Variants in USP46 observed in about 807,000 individuals in gnomAD.
USP46 encodes ubiquitin specific peptidase 46, also known as ubiquitin carboxyl-terminal hydrolase 46.
Under a neutral mutation model 44.4 loss-of-function variants are expected in USP46, and 12 were observed. The ratio of observed to expected loss-of-function variants is 0.27; its 90% CI spans 0.17 to 0.44. The LOEUF (loss-of-function observed/expected upper bound fraction) is 0.44, where lower values mean the gene tolerates loss of function less well. USP46 is among the 20% of genes least tolerant of loss of function. The probability of loss-of-function intolerance (pLI) is 1.00; values close to 1 mark genes in which losing one functional copy is unlikely to be tolerated. For synonymous variants in USP46, 155 were observed against 161.5 expected (o/e 0.96, Z 0.31); for missense variants, 248 against 444.8 (o/e 0.56, Z 3.98).
chr4:52,608,070 G>T (rs767550623), intron 5 of USP46, among the ~76,000 whole-genome samples: 1 of 152,054 alleles, frequency 6.6e-6, no homozygotes, highest in Non-Finnish European at 1.5e-5. Context: ...CTCGTTCTCA[G>T]GAAGGAAGGA....
intron 4 of USP46, among the ~76,000 whole-genome samples, chr4:52,622,439 T>A (rs1205445080): frequency 4.6e-5 from 7 of 152,196 alleles, no homozygotes; most frequent in Non-Finnish European, 1.0e-4. Context: ...ATGAAATAAA[T>A]CAAAATCTTT....
chr4:52,636,759 C>T (rs1577687849), intron 1 of USP46, among the ~76,000 whole-genome samples: 1 of 144,932 alleles, frequency 6.9e-6, no homozygotes, highest in African/African-American at 2.5e-5. Context: ...TTTGTTACAG[C>T]AATAATAGTA....
chr4:52,625,941 C>T (rs560589744), intron 4 of USP46, 77 bp downstream of exon 4: 15 of 1,345,468 alleles, frequency 1.1e-5, no homozygotes, highest in African/African-American at 2.9e-5. Flanking sequence ...TGCTATAATA[C>T]GACATTGCAA....
intron 5 of USP46, among the ~76,000 whole-genome samples, chr4:52,607,059 A>C (rs572004450): frequency 3.1e-4 from 47 of 152,326 alleles, no homozygotes; most frequent in African/African-American, 1.1e-3. Flanking sequence ...TGTACTACCA[A>C]GCTAAAGGGT....
chr4:52,629,855 G>A (rs1432039371), intron 2 of USP46, among the ~76,000 whole-genome samples: 2 of 152,146 alleles, frequency 1.3e-5, no homozygotes, highest in South Asian at 2.1e-4. Flanking sequence ...GAGTGCAAGT[G>A]ACTTGCCCAA....
chr4:52,618,632 T>C (rs1717256017), intron 4 of USP46, among the ~76,000 whole-genome samples: 1 of 152,110 alleles, frequency 6.6e-6, no homozygotes. Context: ...TTGGGTTCAG[T>C]AGAAAAGGTG....
At chr4:52,642,040 A>C (rs1020375033) in intron 1 of USP46, among the ~76,000 whole-genome samples, 3 of 152,204 alleles carry the variant, frequency 2.0e-5, no homozygotes, top group African/African-American at 7.2e-5. Context: ...TTTCAAAAGG[A>C]CTAGTGTCCC....
chr4:52,656,105 T>G (rs1317571904), intron 1 of USP46, among the ~76,000 whole-genome samples: 1 of 152,196 alleles, frequency 6.6e-6, no homozygotes, highest in East Asian at 1.9e-4. Flanking sequence ...TGGTACCTTC[T>G]AATATCCTTT....
intron 4 of USP46, among the ~76,000 whole-genome samples, chr4:52,621,794 G>C (rs930201719): frequency 2.0e-5 from 3 of 152,194 alleles, no homozygotes; most frequent in Non-Finnish European, 2.9e-5. Context: ...ATACCCCAGA[G>C]AGAATTTTGC....
intron 1 of USP46, among the ~76,000 whole-genome samples, chr4:52,642,131 C>G (rs1577692765): frequency 6.6e-6 from 1 of 152,260 alleles, no homozygotes; most frequent in East Asian, 1.9e-4. Context: ...CCCAAGATCT[C>G]AGGATGAGTC....
At chr4:52,619,188 C>T (rs1326024207) in intron 4 of USP46, among the ~76,000 whole-genome samples, 1 of 152,092 alleles carries the variant, frequency 6.6e-6, no homozygotes, top group East Asian at 1.9e-4. Context: ...CAATGAATTA[C>T]CCCTTAAAAT....
intron 1 of USP46, among the ~76,000 whole-genome samples, chr4:52,641,987 T>C (rs1001193590): frequency 1.3e-5 from 2 of 152,192 alleles, no homozygotes; most frequent in African/African-American, 2.4e-5. Context: ...CTACTCTACT[T>C]ATCAACTATA....
At position 52,595,510 on chromosome 4, in the gene USP46, T is replaced by C. The variant is rs1284454851; in HGVS notation, c.*2130A>G. The C allele has an allele frequency of 6.6e-6, 1 of 152,316 alleles. No homozygotes were observed. The highest frequency in any genetic ancestry group is 1.5e-5 in the Non-Finnish European group (1 of 68,026). 9.4% of individuals were successfully genotyped at this position (152,316 alleles called of 1,614,324 possible). A position where few individuals can be genotyped will look rare whatever the true frequency, so the allele number is the denominator to read the frequency against. Reference sequence around the variant, plus strand: ...CTTTTTCGTTCCAAAAATCTATCCATGAATGCTGAATTTTAACTGACTCTT... The same window carrying C: ...CTTTTTCGTTCCAAAAATCTATCCACGAATGCTGAATTTTAACTGACTCTT... On this transcript the variant is annotated 3_prime_UTR_variant, in exon 9 of 9. Transcript: ENST00000441222.
rs761716143 is a variant in USP46, at chr4:52,626,002, C to T, written c.561+16G>A. On this transcript the variant is annotated intron_variant, in intron 4 of 8. Coordinates refer to ENST00000441222, the MANE Select transcript of USP46 (RefSeq NM_022832.4). ...TATGAACATGCGAGCTACATAAGAG[C>T]TCCCCTAGTACTTACAGTTTCACAG... 8.1e-6 allele frequency: 13 copies of T among 1,607,004 alleles called. No individual in the cohort carries two copies. The East Asian group carries it at 2.9e-4, about 36-fold the overall frequency.
At chr4:52,624,790 G>A (rs2109627069) in intron 4 of USP46, among the ~76,000 whole-genome samples, 1 of 152,228 alleles carries the variant, frequency 6.6e-6, no homozygotes, top group East Asian at 1.9e-4. Flanking sequence ...CCTTATAAAA[G>A]GAGACCCGAG....
intron 6 of USP46, among the ~76,000 whole-genome samples, chr4:52,603,559 T>C (rs566756873): frequency 1.8e-4 from 28 of 152,326 alleles, no homozygotes; most frequent in African/African-American, 6.7e-4. Flanking sequence ...ATGACTGAAA[T>C]GGCAACTTTC....
At chr4:52,658,756 T>C (rs1328882065) in intron 1 of USP46, among the ~76,000 whole-genome samples, 2 of 152,066 alleles carry the variant, frequency 1.3e-5, no homozygotes, top group African/African-American at 2.4e-5. Flanking sequence ...AGAGGATGGG[T>C]GCCCCCCACC....
At chr4:52,610,200 A>C (rs1283424263) in intron 5 of USP46, among the ~76,000 whole-genome samples, 2 of 151,920 alleles carry the variant, frequency 1.3e-5, no homozygotes, top group Non-Finnish European at 2.9e-5. Context: ...CTGGGATTAC[A>C]GGCGTGAGCC....
chr4:52,648,715 T>C (rs1274261757), intron 1 of USP46, among the ~76,000 whole-genome samples: 3 of 152,140 alleles, frequency 2.0e-5, no homozygotes, highest in African/African-American at 7.2e-5. Flanking sequence ...ATTTGCCTTC[T>C]CTCCATTACT....
Sources: gnomAD v4.1 joint callset for allele counts (sites outside exome capture counted in the v4.1 genomes callset) on GRCh38, gnomAD v4.1.1 for gene constraint, MANE v1.5 for transcripts, NCBI Gene and HGNC (gene_info 2026-07-23, HGNC 2026-07-21) for gene names.